Variants in KDM3B observed in about 807,000 individuals in gnomAD.
The protein encoded by KDM3B is lysine demethylase 3B.
In KDM3B, 10 loss-of-function variants were observed where a neutral mutation model predicts 170.0. The observed-to-expected ratio is 0.06, with a 90% CI of 0.04 to 0.10. The LOEUF is 0.10. Among genes scored for constraint, KDM3B ranks in the 10% least tolerant of loss-of-function variants. KDM3B has a pLI of 1.00. For missense variants in KDM3B, 1,394 were observed against 2,195.2 expected (o/e 0.64, Z 7.29); for synonymous variants, 831 against 834.8 (o/e 1.00, Z 0.08).
intron 3 of KDM3B, among the ~76,000 whole-genome samples, chr5:138,376,082 T>G (rs1761992548): frequency 1.3e-5 from 2 of 152,158 alleles, no homozygotes; most frequent in Admixed American, 1.3e-4. Flanking sequence ...TTTCAAGTGA[T>G]TCTTGTGCCT....
chr5:138,395,766 G>C (rs1236297824), intron 9 of KDM3B, among the ~76,000 whole-genome samples: 1 of 151,790 alleles, frequency 6.6e-6, no homozygotes, highest in Non-Finnish European at 1.5e-5. Flanking sequence ...ATAGGTGCGC[G>C]CCACCATGCT....
Position 138,430,323 on chromosome 5 carries a change from G to A in KDM3B, c.4968G>A (p.Gln1656=), listed in dbSNP as rs769827234. The change falls in exon 22 of 24, where the codon CAG becomes CAA. Residue 1656 remains glutamine, a synonymous_variant. Coordinates refer to ENST00000314358, the MANE Select transcript of KDM3B (RefSeq NM_016604.4). Reference sequence around the variant, plus strand: ...ATGACCAAAGTTGGTACCTGGACCAGACCCTCCGTAAGCGACTCTATGAGG... The same window carrying A: ...ATGACCAAAGTTGGTACCTGGACCAAACCCTCCGTAAGCGACTCTATGAGG... ...PIHDQSWYLD[Q]TLRKRLYEEY... is the part of the protein sequence containing the mutation. The A allele has an allele frequency of 5.6e-6, 9 of 1,613,972 alleles. No homozygotes were observed. Among genetic ancestry groups the A allele is most frequent in the Admixed American group, 3.3e-5 (2 of 59,998 alleles).
chr5:138,379,636 A>G lies in KDM3B; in HGVS notation c.633A>G (p.Glu211=), dbSNP rs758104263. 6.2e-7 allele frequency: 1 copy of G among 1,613,686 alleles called. No homozygotes were observed. The highest frequency in any genetic ancestry group is 8.5e-7 in the Non-Finnish European group (1 of 1,179,732). The change falls in exon 5 of 24, where the codon GAA becomes GAG. Residue 211 remains glutamate (E), a synonymous_variant. Coordinates refer to ENST00000314358, the MANE Select transcript of KDM3B (RefSeq NM_016604.4). The part of the protein sequence containing the change: ...HRVKIYQPEG[E]EGWLYGVVSH... Reference sequence around the variant, plus strand: ...TCAAAATATATCAGCCAGAGGGGGAAGAAGGGTGGCTCTATGGTGTTGTGA... The same window carrying G: ...TCAAAATATATCAGCCAGAGGGGGAGGAAGGGTGGCTCTATGGTGTTGTGA...
intron 23 of KDM3B, among the ~76,000 whole-genome samples, chr5:138,432,499 C>G (rs941530323): frequency 6.6e-6 from 1 of 152,016 alleles, no homozygotes. Flanking sequence ...GATACCCCAT[C>G]TTTACTAAAA....
At chr5:138,393,099 C>T (rs1762474136) in intron 8 of KDM3B, 72 bp from the exon 9 acceptor site, 1 of 1,414,098 alleles carries the variant, frequency 7.1e-7, no homozygotes, top group African/African-American at 1.4e-5. Context: ...AATGTCTGTC[C>T]CCAAAAGAAT....
intron 11 of KDM3B, among the ~76,000 whole-genome samples, chr5:138,405,004 G>C (rs1177863104): frequency 6.6e-6 from 1 of 150,958 alleles, no homozygotes; most frequent in African/African-American, 2.4e-5. Flanking sequence ...GCCTCCCAAA[G>C]TGCTGGGATT....
intron 11 of KDM3B, among the ~76,000 whole-genome samples, chr5:138,403,451 G>A (rs1762738276): frequency 6.6e-6 from 1 of 152,072 alleles, no homozygotes; most frequent in African/African-American, 2.4e-5. Flanking sequence ...CCAGGCAGGT[G>A]GACTGCCTGA....
chr5:138,399,718 C>T, intron 10 of KDM3B, 142 bp from the exon 11 acceptor site: 1 of 636,282 alleles, frequency 1.6e-6, no homozygotes, highest in Non-Finnish European at 2.6e-6. Flanking sequence ...TTTTGTTTCT[C>T]CTACAATTAT....
chr5:138,419,708 CACAT>C (rs1426513959), intron 14 of KDM3B, among the ~76,000 whole-genome samples: 12 of 112,664 alleles, frequency 1.1e-4, no homozygotes, highest in Non-Finnish European at 1.9e-4. Flanking sequence ...TATACACACA[CACAT>C]ATATATACAC....
intron 12 of KDM3B, 50 bp from the exon 13 acceptor site, chr5:138,417,433 G>A (rs1157916786): frequency 7.0e-6 from 11 of 1,567,374 alleles, no homozygotes; most frequent in Non-Finnish European, 9.7e-6. Flanking sequence ...ACAATATGTG[G>A]CATATATGAG....
chr5:138,357,202 G>T (rs1761473330), intron 1 of KDM3B, among the ~76,000 whole-genome samples: 1 of 151,882 alleles, frequency 6.6e-6, no homozygotes, highest in African/African-American at 2.4e-5. Flanking sequence ...GCCCAGGCTG[G>T]TCTGGAACTC....
In KDM3B at chr5:138,360,578, T is replaced by C. The variant is rs1400662836; in HGVS notation, c.192+7591T>C. 1.1e-4 allele frequency among the ~76,000 whole-genome samples: 17 copies of C among 148,424 alleles called. No homozygotes were observed. The East Asian group carries it at 2.0e-3, about 17-fold the overall frequency. On this transcript the variant is annotated intron_variant, in intron 1 of 23. Transcript: ENST00000314358. ...AATTTTAATAGTTCTATTTCTTTTT[T>C]TTTTTTTTTTTTTGAGACGGAGTCT...
rs190747343 is a variant in KDM3B, at chr5:138,409,766, T to C, written c.3200-5366T>C. Among the ~76,000 whole-genome samples, 6 of 152,086 alleles carry C rather than the reference T, an allele frequency of 3.9e-5. No homozygotes were observed. The East Asian group carries it at 1.2e-3, about 29-fold the overall frequency. ...GATCCCATCTCTACAAAAAAATTGT[T>C]AAAAGATAAAGAAAAAATAACAATA... On this transcript the variant is annotated intron_variant, in intron 11 of 23. Transcript: ENST00000314358.
In KDM3B at chr5:138,401,355, C is replaced by T. The variant is rs1762691058; in HGVS notation, c.3199+1343C>T. Among the ~76,000 whole-genome samples, 3 of 151,792 alleles carry T rather than the reference C, an allele frequency of 2.0e-5. No individual in the cohort carries two copies. The South Asian group carries it at 6.2e-4, about 32-fold the overall frequency. On this transcript the variant is annotated intron_variant, in intron 11 of 23. Coordinates refer to ENST00000314358, the MANE Select transcript of KDM3B (RefSeq NM_016604.4). ...AACTTGCTAAACAGTTTGATTCTTCCAAGGCTTGCTTTACACTTTGTTATG... is the reference window on the plus strand; with the variant it reads ...AACTTGCTAAACAGTTTGATTCTTCTAAGGCTTGCTTTACACTTTGTTATG...
Position 138,424,084 on chromosome 5 carries a change from A to G in KDM3B, c.3982A>G (p.Ser1328Gly). 6.4e-7 allele frequency: 1 copy of G among 1,561,564 alleles called. No individual in the cohort carries two copies. Among genetic ancestry groups the G allele is most frequent in the Admixed American group, 1.8e-5 (1 of 55,038 alleles). Residue 1328 changes from serine (S) to glycine (G), a missense_variant, in exon 16 of 24, where the codon AGC becomes GGC. This residue lies in a region of KDM3B where 137 missense variants were observed against 166.9 expected (regional missense o/e 0.82). Coordinates refer to ENST00000314358, the MANE Select transcript of KDM3B (RefSeq NM_016604.4). ...VFSTSSAGVK[S>G]KASLPNFLDH... Reference sequence around the variant, plus strand: ...GATTTGTGTCTGGCAGGGAGTGAAGAGCAAGGCCAGCCTACCCAACTTTCT... The same window carrying G: ...GATTTGTGTCTGGCAGGGAGTGAAGGGCAAGGCCAGCCTACCCAACTTTCT...
chr5:138,419,855 G>T (rs1763226314), intron 14 of KDM3B, among the ~76,000 whole-genome samples: 1 of 151,134 alleles, frequency 6.6e-6, no homozygotes, highest in South Asian at 2.1e-4. Context: ...TGGATCTCTA[G>T]TCAGAATTTA....
rs200147878 is a variant in KDM3B, at chr5:138,419,121, A to C, written c.3604A>C (p.Asn1202His). 1.1e-5 allele frequency: 17 copies of C among 1,614,230 alleles called. No homozygotes were observed. The East Asian group carries it at 1.6e-4, about 15-fold the overall frequency. Reference protein sequence around the residue: ...LKTDSSASNSNSELKAIRPPC... With the variant: ...LKTDSSASNSHSELKAIRPPC... ...AACAGACAGTTCGGCATCAAATAGC[A>C]ATAGTGAACTGAAAGCCATCAGGCC... Residue 1202 changes from asparagine (N) to histidine (H), a missense_variant, in exon 14 of 24, where the codon AAT becomes CAT. Physicochemically the swap from Asn to His is moderately conservative, Grantham distance 68. Transcript: ENST00000314358.
chr5:138,405,068 G>T (rs866284140), intron 11 of KDM3B, among the ~76,000 whole-genome samples: 30 of 141,388 alleles, frequency 2.1e-4, no homozygotes, highest in African/African-American at 5.6e-4. Context: ...TTTTGAGACA[G>T]AGTGTCGTAC....
At position 138,391,806 on chromosome 5, in the gene KDM3B, C is replaced by T; in HGVS notation, c.2174C>T (p.Ser725Phe). The change falls in exon 8 of 24, where the codon TCC (serine) becomes TTC (phenylalanine). Residue 725 changes from serine (S) to phenylalanine (F), a missense_variant. Ser to Phe is a radical substitution (Grantham distance 155). Coordinates refer to ENST00000314358, the MANE Select transcript of KDM3B (RefSeq NM_016604.4). This position sits in a 1 kb window ranked among gnomAD's most constrained non-coding sequence, Gnocchi z 5.0. ...CTCTCTGCCATGGGGAATGGCCGCTCCAGCTCGCCCACCAGCAGCCTCACT... is the reference window on the plus strand; with the variant it reads ...CTCTCTGCCATGGGGAATGGCCGCTTCAGCTCGCCCACCAGCAGCCTCACT... ...PSLSAMGNGR[S>F]SSPTSSLTQP... The T allele has an allele frequency of 2.5e-6, 4 of 1,614,078 alleles. No individual in the cohort carries two copies. Among genetic ancestry groups the T allele is most frequent in the Non-Finnish European group, 3.4e-6 (4 of 1,180,010 alleles).
Sources: gnomAD v4.1 joint callset for allele counts (sites outside exome capture counted in the v4.1 genomes callset) on GRCh38, gnomAD v4.1.1 for gene constraint, gnomAD v4.1.1 regional missense constraint, Gnocchi (gnomAD v3.1) non-coding constraint, MANE v1.5 for transcripts, NCBI Gene and HGNC (gene_info 2026-07-23, HGNC 2026-07-21) for gene names.